ANO1: variants seen among roughly 807,000 people sequenced by gnomAD.
The protein encoded by ANO1 is anoctamin 1.
In ANO1, 59 loss-of-function variants were observed where a neutral mutation model predicts 124.0. The observed-to-expected ratio is 0.48, with a 90% confidence interval of 0.39 to 0.59. The LOEUF is 0.59. ANO1 is among the 20% of genes least tolerant of loss of function. The pLI is 0.00. For synonymous variants in ANO1, 529 were observed against 532.0 expected, an observed-to-expected ratio of 0.99 and a Z score of 0.08; for missense variants, 1,059 against 1,328.0, an observed-to-expected ratio of 0.80 and a Z score of 3.15.
At chr11:69,994,110 C>A (rs369030172) in intron 1 of ANO1, among the ~76,000 whole-genome samples, 1 of 151,562 alleles carries the variant, frequency 6.6e-6, no homozygotes, top group Admixed American at 6.6e-5. Flanking sequence ...TTAACCCCCC[C>A]CCACAGTCAC....
chr11:70,067,271 C>A (rs1857751095), intron 1 of ANO1, among the ~76,000 whole-genome samples: 1 of 151,840 alleles, frequency 6.6e-6, no homozygotes, highest in Admixed American at 6.6e-5. Context: ...CGATGGTCTG[C>A]CTGCCCCTCC....
intron 22 of ANO1, among the ~76,000 whole-genome samples, chr11:70,178,205 C>T (rs55714726): frequency 0.098 from 14,998 of 152,312 alleles, 820 homozygotes; most frequent in Middle Eastern, 0.2. Context: ...TCAGCCCTGA[C>T]ACCCAGCCAG....
chr11:70,127,790 A>T (rs1027939313), intron 10 of ANO1, among the ~76,000 whole-genome samples: 3 of 152,232 alleles, frequency 2.0e-5, no homozygotes, highest in East Asian at 3.9e-4. Context: ...AGATTTCCTG[A>T]CATGAACCTA....
At chr11:70,028,044 G>C (rs978888313) in intron 1 of ANO1, among the ~76,000 whole-genome samples, 1 of 152,120 alleles carries the variant, frequency 6.6e-6, no homozygotes, top group Admixed American at 6.5e-5. Context: ...TTAGAAAATC[G>C]ATTTCAATAA....
chr11:70,094,104 A>G (rs1237496152), intron 2 of ANO1, among the ~76,000 whole-genome samples: 3 of 152,290 alleles, frequency 2.0e-5, no homozygotes, highest in Middle Eastern at 3.4e-3. Context: ...GTTGGCTGTA[A>G]ACGCCCCTTA....
chr11:70,073,745 C>G (rs557800895), upstream of ANO1, among the ~76,000 whole-genome samples: 19 of 152,186 alleles, frequency 1.2e-4, no homozygotes, highest in Admixed American at 3.3e-4. Flanking sequence ...AGAAGGCAGG[C>G]CTTGTGTTCA....
upstream of ANO1, among the ~76,000 whole-genome samples, chr11:70,076,912 T>G (rs1483579742): frequency 3.3e-5 from 5 of 151,800 alleles, no homozygotes; most frequent in Non-Finnish European, 4.4e-5. Context: ...TTGCTAAGCC[T>G]GGCAGCTTCA....
chr11:70,084,990 C>T (rs938399540), intron 1 of ANO1, among the ~76,000 whole-genome samples: 10 of 152,078 alleles, frequency 6.6e-5, no homozygotes, highest in African/African-American at 2.2e-4. Context: ...GGGGACTCAG[C>T]GAGATGACAT....
At chr11:70,068,214 C>A (rs1394325531) in intron 1 of ANO1, among the ~76,000 whole-genome samples, 1 of 152,166 alleles carries the variant, frequency 6.6e-6, no homozygotes, top group Non-Finnish European at 1.5e-5. Context: ...CTAGGGAGAA[C>A]CTGTTTGTTT....
At chr11:70,141,433 C>T (rs1329723908) in intron 11 of ANO1, among the ~76,000 whole-genome samples, 1 of 152,216 alleles carries the variant, frequency 6.6e-6, no homozygotes, top group African/African-American at 2.4e-5. Flanking sequence ...CCCTCCCTAG[C>T]TCCACTTCAG....
rs2044097473 is a variant in ANO1, at chr11:70,078,500, C to T, written c.-107C>T. ...GGGCCTGGGCGCGGGGAGGCCCGGC[C>T]CCCTGCGAGCGCGCCGCGAACGCTG... On this transcript the variant is annotated 5_prime_UTR_variant, in exon 1 of 26. Coordinates refer to ENST00000355303, the MANE Select transcript of ANO1 (RefSeq NM_018043.7). The T allele has an allele frequency of 1.1e-5, 5 of 461,942 alleles. No homozygotes were observed. The East Asian group carries it at 4.3e-4, about 40-fold the overall frequency. 28.6% of individuals were successfully genotyped at this position (461,942 alleles called of 1,614,324 possible). A position where few individuals can be genotyped will look rare whatever the true frequency, so the allele number is the denominator to read the frequency against.
chr11:70,179,142 G>T (rs139316560), intron 22 of ANO1, among the ~76,000 whole-genome samples: 1 of 152,360 alleles, frequency 6.6e-6, no homozygotes, highest in East Asian at 1.9e-4. Context: ...ATGTCCACTT[G>T]CTCCATCCTG....
At chr11:70,030,694 C>T (rs572793845) in intron 1 of ANO1, among the ~76,000 whole-genome samples, 2 of 152,290 alleles carry the variant, frequency 1.3e-5, no homozygotes, top group South Asian at 4.1e-4. Context: ...CGAATAATCT[C>T]CCCATCTCAA....
At chr11:70,151,658 A>T (rs1025570248) in intron 12 of ANO1, among the ~76,000 whole-genome samples, 1 of 152,158 alleles carries the variant, frequency 6.6e-6, no homozygotes, top group African/African-American at 2.4e-5. Flanking sequence ...CTGGGCACAC[A>T]CAGTGCCAAG....
At chr11:70,071,498 G>A (rs1565173932) in intron 1 of ANO1, among the ~76,000 whole-genome samples, 1 of 152,164 alleles carries the variant, frequency 6.6e-6, no homozygotes, top group Non-Finnish European at 1.5e-5. Context: ...CTTCCCACAT[G>A]TGACTTTGAG....
intron 22 of ANO1, among the ~76,000 whole-genome samples, chr11:70,174,408 A>T (rs957652757): frequency 1.3e-5 from 2 of 152,034 alleles, no homozygotes; most frequent in East Asian, 2.0e-4. Flanking sequence ...AAATAAATTT[A>T]AAAAGCCATT....
chr11:69,970,443 T>C, the ANO1 span, among the ~76,000 whole-genome samples: 1 of 152,176 alleles, frequency 6.6e-6, no homozygotes, highest in Non-Finnish European at 1.5e-5. Flanking sequence ...CTCCTGGGAA[T>C]GTCATGTTAG....
chr11:70,073,377 C>T (rs939840337), upstream of ANO1, among the ~76,000 whole-genome samples: 7 of 152,190 alleles, frequency 4.6e-5, no homozygotes, highest in African/African-American at 9.7e-5. Flanking sequence ...TGCGTCCGTC[C>T]GTGTGAATGC....
rs538986854 is a variant in ANO1, at chr11:70,170,260, G to T, written c.2198-627G>T. The T allele has an allele frequency of 4.0e-4, 172 of 431,226 alleles. 2 individuals are homozygous for T. The highest frequency in any genetic ancestry group is 2.7e-3 in the South Asian group (164 of 61,498). The allele number at this position is 431,226 out of a possible 1,614,324, so 26.7% of individuals were successfully genotyped here. A position where few individuals can be genotyped will look rare whatever the true frequency, so the allele number is the denominator to read the frequency against. On this transcript the variant is annotated intron_variant, in intron 21 of 25. Coordinates refer to ENST00000355303, the MANE Select transcript of ANO1 (RefSeq NM_018043.7). ...AGCATGGGCAGGGGGATGACCACAG[G>T]CTGGGCCTTTGAGCTCACGATGGTC...
Sources: allele counts gnomAD v4.1 joint callset (sites outside exome capture counted in the v4.1 genomes callset), GRCh38; gene constraint gnomAD v4.1.1; transcripts MANE v1.5; gene names NCBI Gene and HGNC (gene_info 2026-07-23, HGNC 2026-07-21).